Variants in XKR3 observed in about 807,000 individuals in gnomAD.
The protein encoded by XKR3 is XK-related protein 3.
XKR3 carries 27 observed loss-of-function variants against 40.3 expected under a neutral mutation model. The ratio of observed to expected loss-of-function variants is 0.67; its 90% CI spans 0.49 to 0.92. The LOEUF is 0.92. Ranked by LOEUF, XKR3 falls within the 40% of genes least tolerant of loss-of-function variation. XKR3 has a pLI of 0.00. For synonymous variants in XKR3, 193 were observed against 195.4 expected (o/e 0.99, Z 0.10); for missense variants, 472 against 537.6 (o/e 0.88, Z 1.21).
chr22:16,798,852 T>C (rs536027495), intron 3 of XKR3, among the ~76,000 whole-genome samples: 4 of 152,146 alleles, frequency 2.6e-5, no homozygotes, highest in African/African-American at 9.6e-5. Context: ...TCAACCACTA[T>C]TGGGTGGAGG....
At chr22:16,802,743 C>A (rs2060174591) in intron 2 of XKR3, among the ~76,000 whole-genome samples, 1 of 152,158 alleles carries the variant, frequency 6.6e-6, no homozygotes, top group Non-Finnish European at 1.5e-5. Context: ...CTGCCTGGGA[C>A]TCCCAAAGTG....
rs1313368789 is a variant in XKR3 at position 16,791,710 on chromosome 22, G to A, written c.590-7301C>T. On this transcript the variant is annotated intron_variant, in intron 3 of 3. Transcript: ENST00000684488. ...AATAGAGAAAGAAAGGAGGCAGGGGGGAGAGAGAGAGGGAGAGAGGGAGAA... is the reference window on the plus strand; with the variant it reads ...AATAGAGAAAGAAAGGAGGCAGGGGAGAGAGAGAGAGGGAGAGAGGGAGAA... Among the ~76,000 whole-genome samples the A allele has an allele frequency of 6.8e-3, 983 of 145,046 alleles. 18 individuals are homozygous for A. Among genetic ancestry groups the A allele is most frequent in the African/African-American group, 0.024 (938 of 38,664 alleles).
intron 1 of XKR3, among the ~76,000 whole-genome samples, chr22:16,820,954 T>G (rs919045433): frequency 6.6e-6 from 1 of 152,222 alleles, no homozygotes; most frequent in Admixed American, 6.5e-5. Flanking sequence ...CTTTTTCCCA[T>G]TTGAAAACTA....
At chr22:16,819,147 A>C (rs2060245751) in intron 1 of XKR3, among the ~76,000 whole-genome samples, 1 of 152,130 alleles carries the variant, frequency 6.6e-6, no homozygotes, top group Admixed American at 6.6e-5. Context: ...AAATCAAAGT[A>C]GTAATAAAGA....
At chr22:16,797,039 T>C (rs1160457818) in intron 3 of XKR3, among the ~76,000 whole-genome samples, 1 of 152,140 alleles carries the variant, frequency 6.6e-6, no homozygotes, top group Non-Finnish European at 1.5e-5. Flanking sequence ...CATCTGATCT[T>C]TGACAAGGCC....
intron 2 of XKR3, among the ~76,000 whole-genome samples, chr22:16,801,666 C>A (rs1323293154): frequency 1.4e-5 from 2 of 145,702 alleles, no homozygotes; most frequent in Admixed American, 6.9e-5. Flanking sequence ...AGCATAAGAA[C>A]AAGAAATAAA....
chr22:16,801,955 A>G (rs1242578169), intron 2 of XKR3, among the ~76,000 whole-genome samples: 1 of 152,194 alleles, frequency 6.6e-6, no homozygotes, highest in East Asian at 1.9e-4. Flanking sequence ...CAATTTTCCA[A>G]AAAGGAGACA....
intron 1 of XKR3, among the ~76,000 whole-genome samples, chr22:16,814,146 A>G (rs1203170305): frequency 6.6e-6 from 1 of 152,154 alleles, no homozygotes; most frequent in African/African-American, 2.4e-5. Flanking sequence ...ACCTTTTTCT[A>G]GAGTTTTATT....
At chr22:16,821,782 A>C (rs2060257320) in intron 1 of XKR3, 1 of 152,104 alleles carries the variant, frequency 6.6e-6, no homozygotes, top group South Asian at 2.1e-4. Context: ...CTTCAATTTC[A>C]TATAAATTGA....
At chr22:16,796,992 G>A (rs2060143884) in intron 3 of XKR3, among the ~76,000 whole-genome samples, 1 of 152,228 alleles carries the variant, frequency 6.6e-6, no homozygotes, top group African/African-American at 2.4e-5. Context: ...AAGAAAACAG[G>A]TCAGGGAACC....
intron 3 of XKR3, among the ~76,000 whole-genome samples, chr22:16,792,893 T>C (rs1036731586): frequency 1.2e-4 from 19 of 152,242 alleles, no homozygotes; most frequent in African/African-American, 4.6e-4. Context: ...TGATTTTATT[T>C]TACCTTTGCA....
rs752077908 is a variant in XKR3, at chr22:16,783,991, G to A, written c.1008C>T (p.Asp336=). The A allele has an allele frequency of 3.7e-6, 6 of 1,614,022 alleles. No homozygotes were observed. The highest frequency in any genetic ancestry group is 1.3e-5 in the African/African-American group (1 of 74,904). Residue 336 remains aspartate, a synonymous_variant, in exon 4 of 4, where the codon GAC becomes GAT. Transcript: ENST00000684488. ...TTCTATGGCCCCACCTCTGTCTCCC[G>A]TCAATTATTTTGTCATCTGACAACT... The part of the protein sequence containing the change: ...KLQLSDDKII[D]GRQRWGHRIL...
chr22:16,799,432 A>AAAAAAAAAAAAAAAAAAAAAAAC, intron 3 of XKR3, among the ~76,000 whole-genome samples: 1 of 147,378 alleles, frequency 6.8e-6, no homozygotes, highest in Admixed American at 6.8e-5. Context: ...AAAAAAAAAA[A>AAAAAAAAAAAAAAAAAAAAAAAC]AAGCAATGCT....
At chr22:16,824,934 ACTTGTTT>A (rs2060268080) in intron 1 of XKR3, among the ~76,000 whole-genome samples, 1 of 152,210 alleles carries the variant, frequency 6.6e-6, no homozygotes, top group East Asian at 1.9e-4. Context: ...GATTAAGTGA[ACTTGTTT>A]CTTGTACTCA....
At chr22:16,821,718 T>C (rs1002386210) in intron 1 of XKR3, 23 of 152,212 alleles carry the variant, frequency 1.5e-4, no homozygotes, top group Admixed American at 3.9e-4. Flanking sequence ...ACAAGAATAA[T>C]CAGAAGAATT....
intron 1 of XKR3, among the ~76,000 whole-genome samples, chr22:16,819,717 G>T (rs764961713): frequency 1.3e-5 from 2 of 151,896 alleles, no homozygotes; most frequent in African/African-American, 4.8e-5. Context: ...AGAGTTATTG[G>T]ATTTGATACC....
rs372497479 is a variant in XKR3, at chr22:16,799,856, C to T, written c.504G>A (p.Val168=). ...MQQKAFKYMS[V]IQAFLGSVPQ... is the part of the protein sequence containing the mutation. ...GAACAGAACCGAGAAAAGCCTGAAT[C>T]ACTGACATGTACTTGAAAGCCTTCT... Residue 168 remains valine, a synonymous_variant, in exon 3 of 4, where the codon GTG becomes GTA. Transcript: ENST00000684488. 3.7e-6 allele frequency: 6 copies of T among 1,614,096 alleles called. No homozygotes were observed. The highest frequency in any genetic ancestry group is 5.1e-6 in the Non-Finnish European group (6 of 1,180,002).
chr22:16,809,389 G>C (rs1044219194), intron 1 of XKR3, among the ~76,000 whole-genome samples: 1 of 151,524 alleles, frequency 6.6e-6, no homozygotes, highest in Non-Finnish European at 1.5e-5. Flanking sequence ...CTTATCACAC[G>C]TGTATTAAAA....
chr22:16,807,396 C>G (rs570084984), intron 2 of XKR3, among the ~76,000 whole-genome samples: 1 of 152,308 alleles, frequency 6.6e-6, no homozygotes, highest in East Asian at 1.9e-4. Context: ...ACTCACTCTA[C>G]TCTCATTCCT....
Sources: allele counts gnomAD v4.1 joint callset (sites outside exome capture counted in the v4.1 genomes callset), GRCh38; gene constraint gnomAD v4.1.1; transcripts MANE v1.5; gene names NCBI Gene and HGNC (gene_info 2026-07-23, HGNC 2026-07-21).